SLF1: variants seen among roughly 807,000 people sequenced by gnomAD.
The protein encoded by SLF1 is SMC5/6 complex localization factor 1.
Under a neutral mutation model 123.0 loss-of-function variants are expected in SLF1, and 105 were observed. The ratio of observed to expected loss-of-function variants is 0.85; its 90% CI spans 0.73 to 1.00. The LOEUF is 1.00. Ranked by LOEUF, SLF1 falls within the 50% of genes least tolerant of loss-of-function variation. The pLI is 0.00. For synonymous variants in SLF1, 434 were observed against 406.6 expected, an observed-to-expected ratio of 1.07 and a Z score of -0.81; for missense variants, 1,239 against 1,223.0, an observed-to-expected ratio of 1.01 and a Z score of -0.20.
rs1024950030 is a variant in SLF1 at position 94,694,734 on chromosome 5, G to T, written c.2696-97G>T. On this transcript the variant is annotated intron_variant, in intron 20 of 20. Transcript: ENST00000265140. ...AATTAATACAAAATATGATTGCAAA[G>T]AAAGCACTGGATGCTTTGGGAAAAA... 2.2e-6 allele frequency: 3 copies of T among 1,391,734 alleles called. No homozygotes were observed. The African/African-American group carries it at 4.3e-5, about 20-fold the overall frequency. The allele number at this position is 1,391,734 out of a possible 1,614,324, so 86.2% of individuals were successfully genotyped here.
chr5:94,688,712 C>G, intron 17 of SLF1, 43 bp downstream of exon 17: 2 of 1,596,640 alleles, frequency 1.3e-6, no homozygotes, highest in East Asian at 2.2e-5. Context: ...TTTTGGAGTA[C>G]AGCTCTTTCT....
intron 10 of SLF1, 76 bp downstream of exon 10, chr5:94,662,427 A>AT (rs1462543119): frequency 1.3e-5 from 17 of 1,295,694 alleles, no homozygotes; most frequent in Non-Finnish European, 1.8e-5. Context: ...ATTTTGAATA[A>AT]AAGTAATGTG....
In SLF1 at chr5:94,697,319, A is replaced by G. The variant is rs1055907869; in HGVS notation, c.*2007A>G. The G allele has an allele frequency of 6.6e-6, 1 of 151,894 alleles. No individual in the cohort carries two copies. Among genetic ancestry groups the G allele is most frequent in the Admixed American group, 6.6e-5 (1 of 15,210 alleles). The allele number at this position is 151,894 out of a possible 1,614,324, so 9.4% of individuals were successfully genotyped here. A position where few individuals can be genotyped will look rare whatever the true frequency, so the allele number is the denominator to read the frequency against. ...AGGAAAAGGCTTCATTCCCAAAATTACTTCTTATACTTTATTTTAGAAAAC... is the reference window on the plus strand; with the variant it reads ...AGGAAAAGGCTTCATTCCCAAAATTGCTTCTTATACTTTATTTTAGAAAAC... On this transcript the variant is annotated 3_prime_UTR_variant, in exon 21 of 21. Coordinates refer to ENST00000265140, the MANE Select transcript of SLF1 (RefSeq NM_032290.4).
chr5:94,649,855 T>C (rs907977237), intron 6 of SLF1, among the ~76,000 whole-genome samples: 1 of 152,176 alleles, frequency 6.6e-6, no homozygotes, highest in Non-Finnish European at 1.5e-5. Context: ...TAATTACTTA[T>C]GTAATTACCA....
chr5:94,652,607 ATTGT>A (rs1258169545), intron 7 of SLF1, among the ~76,000 whole-genome samples: 2 of 151,912 alleles, frequency 1.3e-5, no homozygotes, highest in African/African-American at 4.8e-5. Flanking sequence ...TATGTGTTTG[ATTGT>A]TAAGTTTTTG....
intron 9 of SLF1, among the ~76,000 whole-genome samples, chr5:94,658,163 T>G (rs1342947796): frequency 2.3e-5 from 2 of 86,850 alleles, no homozygotes; most frequent in Admixed American, 1.3e-4. Context: ...GTGTTTTTTG[T>G]TTTTTTTTTT....
At chr5:94,676,464 A>T (rs1751074008) in intron 14 of SLF1, among the ~76,000 whole-genome samples, 1 of 152,198 alleles carries the variant, frequency 6.6e-6, no homozygotes, top group Admixed American at 6.5e-5. Flanking sequence ...TGCAAGGCTT[A>T]AACTCAGCTG....
intron 14 of SLF1, among the ~76,000 whole-genome samples, chr5:94,677,287 C>T (rs961636863): frequency 6.6e-6 from 1 of 151,908 alleles, no homozygotes; most frequent in Non-Finnish European, 1.5e-5. Flanking sequence ...ACATTAAAAC[C>T]AGCTGAAATT....
intron 5 of SLF1, among the ~76,000 whole-genome samples, chr5:94,647,961 G>A (rs938463395): frequency 1.3e-5 from 2 of 152,076 alleles, no homozygotes; most frequent in Admixed American, 1.3e-4. Context: ...TTCAGGATTA[G>A]GAAACAGTTT....
chr5:94,653,445 A>G, intron 8 of SLF1, 24 bp downstream of exon 8: 2 of 1,470,222 alleles, frequency 1.4e-6, no homozygotes, highest in South Asian at 1.4e-5. Context: ...GCTAAGCTAT[A>G]GCTTTCTTTT....
At chr5:94,681,222 C>T (rs1283817038) in intron 15 of SLF1, among the ~76,000 whole-genome samples, 1 of 151,990 alleles carries the variant, frequency 6.6e-6, no homozygotes, top group Non-Finnish European at 1.5e-5. Flanking sequence ...CTCTGCCTCC[C>T]CGGTTCAAGC....
In SLF1 at chr5:94,651,831, A is replaced by T; in HGVS notation, c.868A>T (p.Thr290Ser). The change falls in exon 7 of 21, where the codon ACA (threonine) becomes TCA (serine). Residue 290 changes from threonine (T) to serine (S), a missense_variant. Physicochemically the swap from Thr to Ser is moderately conservative, Grantham distance 58 (BLOSUM62 1). Coordinates refer to ENST00000265140, the MANE Select transcript of SLF1 (RefSeq NM_032290.4). ...AATGAGAAATACCTTTGGAAGCCAT[A>T]CATATGAAAATCAGGTACAACTTTC... ...VKMRNTFGSH[T>S]YENQKEIKKK... The T allele has an allele frequency of 1.4e-6, 2 of 1,418,368 alleles. No homozygotes were observed. Among genetic ancestry groups the T allele is most frequent in the Non-Finnish European group, 1.9e-6 (2 of 1,063,808 alleles). The allele number at this position is 1,418,368 out of a possible 1,614,324, so 87.9% of individuals were successfully genotyped here. A position where few individuals can be genotyped will look rare whatever the true frequency, so the allele number is the denominator to read the frequency against.
intron 4 of SLF1, among the ~76,000 whole-genome samples, chr5:94,636,574 A>G (rs930119612): frequency 1.4e-5 from 2 of 140,464 alleles, no homozygotes; most frequent in Non-Finnish European, 3.2e-5. Flanking sequence ...TCACTTTAGC[A>G]ATTATATTCT....
intron 5 of SLF1, 43 bp from the exon 6 acceptor site, chr5:94,649,411 A>C (rs1431110442): frequency 7.3e-7 from 1 of 1,376,732 alleles, no homozygotes; most frequent in Admixed American, 2.6e-5. Flanking sequence ...AATATTGAAA[A>C]TACACTTAGA....
chr5:94,690,909 T>G (rs1184762647), intron 18 of SLF1, among the ~76,000 whole-genome samples: 1 of 149,812 alleles, frequency 6.7e-6, no homozygotes, highest in Admixed American at 6.7e-5. Flanking sequence ...GGATTTTTTT[T>G]TTTTTTACAT....
At chr5:94,629,008 C>G in intron 2 of SLF1, 84 bp downstream of exon 2, 1 of 1,398,936 alleles carries the variant, frequency 7.1e-7, no homozygotes, top group African/African-American at 1.4e-5. Context: ...AAAATGCCTT[C>G]TTGATATTGT....
intron 20 of SLF1, among the ~76,000 whole-genome samples, chr5:94,692,481 C>G (rs539258775): frequency 3.8e-4 from 58 of 151,992 alleles, no homozygotes; most frequent in African/African-American, 1.4e-3. Flanking sequence ...TATTATTAAG[C>G]CTATTTAGGT....
chr5:94,682,522 T>C lies in SLF1; in HGVS notation c.1975+3567T>C, dbSNP rs1483902962. ...AATTATGGTAAACTGGATGTTCTAA[T>C]ATTTCCTAGTTCAGAAGTACAAAAT... On this transcript the variant is annotated intron_variant, in intron 15 of 20. Transcript: ENST00000265140. Among the ~76,000 whole-genome samples, 3 of 152,248 alleles carry C rather than the reference T, an allele frequency of 2.0e-5. No individual in the cohort carries two copies. The East Asian group carries it at 5.8e-4, about 29-fold the overall frequency.
intron 1 of SLF1, among the ~76,000 whole-genome samples, chr5:94,624,243 G>A (rs565477396): frequency 1.3e-5 from 2 of 151,818 alleles, no homozygotes; most frequent in African/African-American, 4.8e-5. Context: ...CCTTTCCTCC[G>A]CATGTTTAAC....
Sources: allele counts gnomAD v4.1 joint callset (sites outside exome capture counted in the v4.1 genomes callset), GRCh38; gene constraint gnomAD v4.1.1; transcripts MANE v1.5; gene names NCBI Gene and HGNC (gene_info 2026-07-23, HGNC 2026-07-21).